IPMK: variants seen among roughly 807,000 people sequenced by gnomAD.
The protein encoded by IPMK is inositol polyphosphate multikinase.
A neutral mutation model predicts 45.8 loss-of-function variants in IPMK; 17 were observed. The observed-to-expected ratio is 0.37, with a 90% CI of 0.25 to 0.56. The LOEUF is 0.56. IPMK is among the 20% of genes least tolerant of loss of function. The pLI, the probability that IPMK is intolerant of heterozygous loss-of-function variation, is 0.79. For synonymous variants in IPMK, 180 were observed against 184.3 expected (o/e 0.98, Z 0.19); for missense variants, 399 against 498.0 (o/e 0.80, Z 1.89).
At chr10:58,244,205 G>C (rs7911469) in intron 1 of IPMK, among the ~76,000 whole-genome samples, 1 of 129,826 alleles carries the variant, frequency 7.7e-6, no homozygotes, top group Admixed American at 7.4e-5. Context: ...CTGCCCGGCC[G>C]CCCCACCTGG....
Position 58,194,053 on chromosome 10 carries a change from T to G in IPMK, c.*2023A>C, listed in dbSNP as rs1837855844. ...CTATTGTATCAAAAAGGTAAGACAT[T>G]GATTTTACAAAATTGTATTTCCAAA... is the stretch of plus-strand genomic sequence containing the variant. On this transcript the variant is annotated 3_prime_UTR_variant, in exon 6 of 6. Transcript: ENST00000373935. 6.6e-6 allele frequency: 1 copy of G among 151,852 alleles called. No individual in the cohort carries two copies. Among genetic ancestry groups the G allele is most frequent in the Admixed American group, 6.6e-5 (1 of 15,252 alleles). 9.4% of individuals were successfully genotyped at this position (151,852 alleles called of 1,614,324 possible). A position where few individuals can be genotyped will look rare whatever the true frequency, so the allele number is the denominator to read the frequency against.
intron 3 of IPMK, among the ~76,000 whole-genome samples, chr10:58,226,587 T>G (rs1281595110): frequency 6.6e-6 from 1 of 152,178 alleles, no homozygotes; most frequent in Non-Finnish European, 1.5e-5. Flanking sequence ...TGTGCCCTAT[T>G]TAGGTCATTT....
intron 5 of IPMK, among the ~76,000 whole-genome samples, chr10:58,198,094 T>C (rs1423852962): frequency 6.6e-6 from 1 of 152,156 alleles, no homozygotes; most frequent in Non-Finnish European, 1.5e-5. Flanking sequence ...TAGAGCTAAC[T>C]AAAACCTAGA....
At chr10:58,224,028 AC>A (rs1196214212) in intron 3 of IPMK, among the ~76,000 whole-genome samples, 1 of 152,252 alleles carries the variant, frequency 6.6e-6, no homozygotes, top group Non-Finnish European at 1.5e-5. Flanking sequence ...ATGGACTAAT[AC>A]AATAAGACCT....
chr10:58,266,798 G>T (rs1028006257), intron 1 of IPMK, among the ~76,000 whole-genome samples: 2 of 152,124 alleles, frequency 1.3e-5, no homozygotes, highest in African/African-American at 4.8e-5. Flanking sequence ...TACAATATGC[G>T]TGTGAATTTC....
chr10:58,221,207 G>C (rs929229013), intron 3 of IPMK, among the ~76,000 whole-genome samples: 5 of 152,092 alleles, frequency 3.3e-5, no homozygotes, highest in Admixed American at 3.3e-4. Flanking sequence ...CATGTGTCAT[G>C]ACTGCAAAAC....
At chr10:58,262,548 T>G (rs946345894) in intron 1 of IPMK, among the ~76,000 whole-genome samples, 3 of 152,204 alleles carry the variant, frequency 2.0e-5, no homozygotes, top group African/African-American at 7.2e-5. Context: ...GTTATGACAA[T>G]ACCTAGTAAC....
chr10:58,204,473 G>A (rs913794077), intron 4 of IPMK, among the ~76,000 whole-genome samples: 1 of 152,028 alleles, frequency 6.6e-6, no homozygotes, highest in African/African-American at 2.4e-5. Flanking sequence ...AAGGGATCCA[G>A]AATAGCCAAA....
intron 4 of IPMK, among the ~76,000 whole-genome samples, chr10:58,210,868 G>A (rs1282995891): frequency 1.3e-5 from 2 of 152,112 alleles, no homozygotes; most frequent in Admixed American, 1.3e-4. Flanking sequence ...GGTTTTCCTG[G>A]TACTTTCCTG....
intron 4 of IPMK, chr10:58,212,751 G>T: frequency 4.4e-6 from 1 of 226,896 alleles, no homozygotes. Flanking sequence ...TTGTTTTCAT[G>T]TAATCTTTGA....
rs1837828866 is a variant in IPMK at position 58,192,253 on chromosome 10, G to A, written c.*3823C>T. 6.6e-6 allele frequency: 1 copy of A among 151,914 alleles called. No homozygotes were observed. Among genetic ancestry groups the A allele is most frequent in the Admixed American group, 6.6e-5 (1 of 15,236 alleles). 9.4% of individuals were successfully genotyped at this position (151,914 alleles called of 1,614,324 possible). On this transcript the variant is annotated 3_prime_UTR_variant, in exon 6 of 6. Coordinates refer to ENST00000373935, the MANE Select transcript of IPMK (RefSeq NM_152230.5). ...AAATACCAGTGATGTTAAGATTGAG[G>A]CCTAAAACTGTTGTACTAAATTGTA...
At chr10:58,212,219 C>T (rs1838176594) in intron 4 of IPMK, among the ~76,000 whole-genome samples, 1 of 152,094 alleles carries the variant, frequency 6.6e-6, no homozygotes. Context: ...TAACAACAGT[C>T]TTATTCTTTC....
chr10:58,258,081 C>T (rs147959077), intron 1 of IPMK, among the ~76,000 whole-genome samples: 69 of 152,188 alleles, frequency 4.5e-4, no homozygotes, highest in Middle Eastern at 3.4e-3. Context: ...GAGGCCAAGG[C>T]GTGCAGATCA....
intron 5 of IPMK, among the ~76,000 whole-genome samples, chr10:58,197,508 G>A (rs773846248): frequency 5.2e-4 from 79 of 151,596 alleles, no homozygotes; most frequent in Middle Eastern, 6.8e-3. Flanking sequence ...AAATTAGCTG[G>A]GCATGGTGGC....
intron 1 of IPMK, among the ~76,000 whole-genome samples, chr10:58,252,957 A>G (rs999898724): frequency 6.6e-6 from 1 of 152,140 alleles, no homozygotes; most frequent in African/African-American, 2.4e-5. Flanking sequence ...GTTACATCTT[A>G]GCATCCATTT....
At chr10:58,264,773 G>T (rs1407201220) in intron 1 of IPMK, among the ~76,000 whole-genome samples, 2 of 152,080 alleles carry the variant, frequency 1.3e-5, no homozygotes, top group Non-Finnish European at 2.9e-5. Flanking sequence ...TTTTTAGAAA[G>T]AATAAAGTAT....
intron 1 of IPMK, among the ~76,000 whole-genome samples, chr10:58,257,326 C>A (rs150744690): frequency 0.049 from 7,496 of 151,918 alleles, 442 homozygotes; most frequent in East Asian, 0.31. Context: ...GAAACCCTGT[C>A]TCTACTAAAA....
intron 2 of IPMK, among the ~76,000 whole-genome samples, chr10:58,237,114 C>T (rs1838625321): frequency 1.3e-5 from 2 of 152,184 alleles, no homozygotes; most frequent in South Asian, 4.1e-4. Context: ...TGCTATGTAT[C>T]GTCCCTTTCC....
intron 2 of IPMK, among the ~76,000 whole-genome samples, chr10:58,228,092 A>T (rs569045089): frequency 6.6e-6 from 1 of 152,282 alleles, no homozygotes; most frequent in South Asian, 2.1e-4. Flanking sequence ...GAAATGTTAG[A>T]AGTGATTCAT....
Sources: gnomAD v4.1 joint callset for allele counts (sites outside exome capture counted in the v4.1 genomes callset) on GRCh38, gnomAD v4.1.1 for gene constraint, MANE v1.5 for transcripts, NCBI Gene and HGNC (gene_info 2026-07-23, HGNC 2026-07-21) for gene names.